Variants in CCSER2 observed in about 807,000 individuals in gnomAD.
CCSER2 encodes the protein serine-rich coiled-coil domain-containing protein 2.
In CCSER2, 46 loss-of-function variants were observed where a neutral mutation model predicts 92.3. The ratio of observed to expected loss-of-function variants is 0.50; its 90% CI spans 0.39 to 0.64. The LOEUF is 0.64. Ranked by LOEUF, CCSER2 falls within the 30% of genes least tolerant of loss-of-function variation. CCSER2 has a pLI of 0.00. For synonymous variants in CCSER2, 433 were observed against 431.4 expected (o/e 1.00, Z -0.04); for missense variants, 1,244 against 1,238.9 (o/e 1.00, Z -0.06).
At chr10:84,437,351 T>G (rs1589662906) in intron 5 of CCSER2, among the ~76,000 whole-genome samples, 1 of 152,098 alleles carries the variant, frequency 6.6e-6, no homozygotes, top group Non-Finnish European at 1.5e-5. Flanking sequence ...AAACCCCCTC[T>G]CTACAAAAAT....
At chr10:84,458,743 A>G (rs1845923190) in intron 6 of CCSER2, among the ~76,000 whole-genome samples, 1 of 152,066 alleles carries the variant, frequency 6.6e-6, no homozygotes. Context: ...ATATACACAT[A>G]TATACATACA....
At position 84,373,899 on chromosome 10, in the gene CCSER2, T is replaced by A. The variant is rs546763001; in HGVS notation, c.1614+84T>A. ...GTGATATGATTGATTTTGTAAAAAA[T>A]TTATGAATTAACTTTACTACTTTGA... is the stretch of plus-strand genomic sequence containing the variant. On this transcript the variant is annotated intron_variant, in intron 3 of 9. Transcript: ENST00000372088. 9.6e-5 allele frequency: 150 copies of A among 1,568,036 alleles called. 2 individuals are homozygous for A. In the South Asian group the frequency reaches 1.6e-3, roughly 17 times the overall value.
At chr10:84,344,307 C>A (rs1490453056) in intron 1 of CCSER2, among the ~76,000 whole-genome samples, 1 of 151,758 alleles carries the variant, frequency 6.6e-6, no homozygotes, top group Non-Finnish European at 1.5e-5. Context: ...GCACATATTT[C>A]AAAATATCTG....
At chr10:84,482,223 A>G (rs1480507912) in intron 9 of CCSER2, among the ~76,000 whole-genome samples, 1 of 152,192 alleles carries the variant, frequency 6.6e-6, no homozygotes, top group African/African-American at 2.4e-5. Context: ...GCAGAAAATG[A>G]TACTTCCAGA....
intron 1 of CCSER2, among the ~76,000 whole-genome samples, chr10:84,345,436 CATCTA>C (rs1478225240): frequency 2.0e-5 from 3 of 152,090 alleles, no homozygotes; most frequent in African/African-American, 7.2e-5. Flanking sequence ...TGAATGTTAC[CATCTA>C]ATCATTTTGG....
At chr10:84,455,700 T>G (rs1564682176) in intron 6 of CCSER2, 1 of 768,380 alleles carries the variant, frequency 1.3e-6, no homozygotes, top group Non-Finnish European at 2.4e-6. Context: ...CCACTTAGAT[T>G]CTTTACCAAA....
intron 1 of CCSER2, among the ~76,000 whole-genome samples, chr10:84,338,305 A>C (rs371239008): frequency 1.0e-4 from 3 of 29,102 alleles, no homozygotes; most frequent in African/African-American, 3.5e-4. Flanking sequence ...AAAAAAAAAA[A>C]CAAAAAAAAA....
intron 9 of CCSER2, among the ~76,000 whole-genome samples, chr10:84,480,183 C>T (rs1847378176): frequency 6.6e-6 from 1 of 151,790 alleles, no homozygotes; most frequent in African/African-American, 2.4e-5. Context: ...TATCTGGGAC[C>T]ACAGGTGTGC....
intron 3 of CCSER2, among the ~76,000 whole-genome samples, chr10:84,387,048 C>G (rs1841252203): frequency 6.6e-6 from 1 of 152,098 alleles, no homozygotes; most frequent in African/African-American, 2.4e-5. Flanking sequence ...GCAACATGTT[C>G]ATGGAGTAAA....
intron 9 of CCSER2, among the ~76,000 whole-genome samples, chr10:84,488,039 T>C (rs368633517): frequency 1.3e-5 from 2 of 152,132 alleles, no homozygotes; most frequent in Non-Finnish European, 2.9e-5. Context: ...TGCTGGATTA[T>C]GTTTATTGAT....
intron 1 of CCSER2, among the ~76,000 whole-genome samples, chr10:84,363,788 A>C (rs1845637375): frequency 6.6e-6 from 1 of 152,144 alleles, no homozygotes; most frequent in African/African-American, 2.4e-5. Context: ...CCTTGTTGTT[A>C]GTAGGCTTCT....
chr10:84,387,731 T>C (rs1056143674), intron 3 of CCSER2, among the ~76,000 whole-genome samples: 1 of 152,066 alleles, frequency 6.6e-6, no homozygotes, highest in African/African-American at 2.4e-5. Context: ...GGTTTCACCG[T>C]GTTAGCCAGG....
intron 1 of CCSER2, among the ~76,000 whole-genome samples, chr10:84,357,559 C>T (rs553201701): frequency 6.6e-6 from 1 of 151,798 alleles, no homozygotes; most frequent in South Asian, 2.1e-4. Flanking sequence ...ACGCCATTCT[C>T]CAGCCTCAGC....
At chr10:84,479,882 A>C in intron 9 of CCSER2, among the ~76,000 whole-genome samples, 1 of 152,132 alleles carries the variant, frequency 6.6e-6, no homozygotes, top group Non-Finnish European at 1.5e-5. Flanking sequence ...GAAAAGGATC[A>C]TAGCTCTGGG....
chr10:84,463,364 T>C (rs1216435040), intron 6 of CCSER2, among the ~76,000 whole-genome samples: 1 of 152,188 alleles, frequency 6.6e-6, no homozygotes, highest in East Asian at 1.9e-4. Flanking sequence ...TCTTAGTCAG[T>C]AACCCCCTTC....
chr10:84,407,079 C>G (rs1478020558), intron 3 of CCSER2, among the ~76,000 whole-genome samples: 1 of 152,158 alleles, frequency 6.6e-6, no homozygotes, highest in African/African-American at 2.4e-5. Context: ...ACTTACTGTT[C>G]AACATCTTCT....
chr10:84,378,740 A>C (rs955827035), intron 3 of CCSER2, among the ~76,000 whole-genome samples: 2 of 152,056 alleles, frequency 1.3e-5, no homozygotes, highest in African/African-American at 4.8e-5. Context: ...CGGCCTAAAA[A>C]TTAATTTTTA....
chr10:84,418,413 T>C (rs1429076563), intron 4 of CCSER2, among the ~76,000 whole-genome samples: 1 of 152,112 alleles, frequency 6.6e-6, no homozygotes. Context: ...TCCAGTGACA[T>C]AGCACTTGTA....
chr10:84,491,055 A>C (rs1414842367), intron 9 of CCSER2, among the ~76,000 whole-genome samples: 1 of 152,214 alleles, frequency 6.6e-6, no homozygotes, highest in East Asian at 1.9e-4. Context: ...CAGAACAGCG[A>C]ATATTGCTGA....
Sources: gnomAD v4.1 joint callset for allele counts (sites outside exome capture counted in the v4.1 genomes callset) on GRCh38, gnomAD v4.1.1 for gene constraint, MANE v1.5 for transcripts, NCBI Gene and HGNC (gene_info 2026-07-23, HGNC 2026-07-21) for gene names.